ANXA4: variants seen among roughly 807,000 people sequenced by gnomAD.
The protein encoded by ANXA4 is annexin A4, also known as 35-beta calcimedin.
In ANXA4, 39 loss-of-function variants were observed where a neutral mutation model predicts 49.8. The ratio of observed to expected loss-of-function variants is 0.78; its 90% confidence interval spans 0.61 to 1.02. ANXA4 has a LOEUF of 1.02. ANXA4 is among the 50% of genes least tolerant of loss of function. The pLI is 0.00. For missense variants in ANXA4, 360 were observed against 410.1 expected, an observed-to-expected ratio of 0.88 and a Z score of 1.05; for synonymous variants, 134 against 152.5, an observed-to-expected ratio of 0.88 and a Z score of 0.89.
At chr2:69,803,135 A>G (rs1219936381) in intron 3 of ANXA4, among the ~76,000 whole-genome samples, 3 of 151,574 alleles carry the variant, frequency 2.0e-5, no homozygotes, top group African/African-American at 7.3e-5. Context: ...TGGGAGGGAG[A>G]GGGAGTGAGC....
chr2:69,819,603 T>C (rs1674145354), intron 11 of ANXA4, among the ~76,000 whole-genome samples: 1 of 152,118 alleles, frequency 6.6e-6, no homozygotes, highest in Non-Finnish European at 1.5e-5. Flanking sequence ...AATTTACAGA[T>C]GAGGAAACTG....
exon 2 of ANXA4, chr2:69,653,008 C>T (rs1323369606): frequency 6.6e-6 from 1 of 152,244 alleles, no homozygotes; most frequent in Non-Finnish European, 1.5e-5. Flanking sequence ...TTCACAGCCT[C>T]TTAGTTGGAT....
chr2:69,812,578 C>A, intron 7 of ANXA4, 75 bp from the exon 8 acceptor site: 1 of 1,295,178 alleles, frequency 7.7e-7, no homozygotes, highest in Non-Finnish European at 1.1e-6. Flanking sequence ...TACTCTAGAC[C>A]TGCTATCTTA....
chr2:69,668,369 T>C (rs896143887), intron 2 of ANXA4, among the ~76,000 whole-genome samples: 9 of 152,086 alleles, frequency 5.9e-5, no homozygotes, highest in Non-Finnish European at 1.2e-4. Flanking sequence ...CCCAGCACTT[T>C]AGGAGGCTGA....
At chr2:69,734,743 G>A (rs146710320) in intron 3 of ANXA4, among the ~76,000 whole-genome samples, 81 of 150,912 alleles carry the variant, frequency 5.4e-4, no homozygotes, top group African/African-American at 1.9e-3. Context: ...TCTTCCAGCC[G>A]GGTGCAGTGG....
chr2:69,741,658 G>C (rs893012122), upstream of ANXA4, among the ~76,000 whole-genome samples: 3 of 152,268 alleles, frequency 2.0e-5, no homozygotes, highest in African/African-American at 7.2e-5. Context: ...GGAGACGAAC[G>C]GTTTCCCGAG....
chr2:69,793,776 A>G (rs1672798994), intron 3 of ANXA4, among the ~76,000 whole-genome samples: 2 of 152,110 alleles, frequency 1.3e-5, no homozygotes, highest in Admixed American at 1.3e-4. Context: ...CTGTTTCCCC[A>G]AGGAGTCCCA....
At chr2:69,779,661 A>T (rs1672115717) in intron 1 of ANXA4, among the ~76,000 whole-genome samples, 2 of 152,134 alleles carry the variant, frequency 1.3e-5, no homozygotes, top group Admixed American at 6.5e-5. Context: ...TTATTATGGC[A>T]TTTGTCTGCA....
At chr2:69,794,463 A>G (rs1672831578) in intron 3 of ANXA4, among the ~76,000 whole-genome samples, 1 of 151,892 alleles carries the variant, frequency 6.6e-6, no homozygotes, top group Non-Finnish European at 1.5e-5. Context: ...TAGAGACTGA[A>G]TGCTTTCCCC....
chr2:69,742,849 G>A (rs1254828536), intron 1 of ANXA4, among the ~76,000 whole-genome samples: 1 of 152,134 alleles, frequency 6.6e-6, no homozygotes, highest in Non-Finnish European at 1.5e-5. Flanking sequence ...AGCAGAGTGG[G>A]TCCTGCATAA....
chr2:69,657,610 A>T (rs1676555321), intron 2 of ANXA4, among the ~76,000 whole-genome samples: 1 of 152,086 alleles, frequency 6.6e-6, no homozygotes, highest in Non-Finnish European at 1.5e-5. Context: ...TTATGCTGGG[A>T]ATTCATTTAT....
intron 2 of ANXA4, among the ~76,000 whole-genome samples, chr2:69,684,694 A>AG (rs1321456362): frequency 6.6e-6 from 1 of 151,758 alleles, no homozygotes; most frequent in Non-Finnish European, 1.5e-5. Context: ...TCAAAAAAAA[A>AG]AAAAAAAGAA....
intron 2 of ANXA4, among the ~76,000 whole-genome samples, chr2:69,692,813 A>G (rs1678019740): frequency 6.6e-6 from 1 of 152,238 alleles, no homozygotes; most frequent in Non-Finnish European, 1.5e-5. Flanking sequence ...CATTTGGAGT[A>G]TGCTTAATTT....
At chr2:69,810,883 G>A in intron 7 of ANXA4, 1 of 558,546 alleles carries the variant, frequency 1.8e-6, no homozygotes, top group Non-Finnish European at 3.2e-6. Context: ...ATATTTACAA[G>A]TACCTAACAC....
chr2:69,655,892 C>T (rs1297721646), intron 2 of ANXA4, among the ~76,000 whole-genome samples: 1 of 152,028 alleles, frequency 6.6e-6, no homozygotes, highest in African/African-American at 2.4e-5. Flanking sequence ...ATGGATGAAG[C>T]TGGAAACCAT....
In ANXA4 at chr2:69,685,809, G is replaced by A. The variant is rs180796533; in HGVS notation, n.766+32527G>A. The stretch of plus-strand genomic sequence containing the variant: ...ATTTTAGGCTGTATCCAGTGGTGTG[G>A]TAAATATTTAACAACTGGCCCTGGG... On this transcript the variant is annotated intron_variant and non_coding_transcript_variant, in intron 2 of 3. Coordinates refer to the ANXA4 transcript ENST00000418066. 1.7e-3 allele frequency among the ~76,000 whole-genome samples: 256 copies of A among 152,308 alleles called. 1 individual carries two copies. The highest frequency in any genetic ancestry group is 5.7e-3 in the African/African-American group (238 of 41,562).
intron 3 of ANXA4, among the ~76,000 whole-genome samples, chr2:69,789,735 G>A (rs905203030): frequency 4.6e-5 from 7 of 152,116 alleles, no homozygotes; most frequent in Non-Finnish European, 8.8e-5. Context: ...GACCAGGTGT[G>A]CCTTCTATAT....
chr2:69,809,565 C>T (rs1673603601), intron 6 of ANXA4: 1 of 152,198 alleles, frequency 6.6e-6, no homozygotes, highest in Non-Finnish European at 1.5e-5. Flanking sequence ...CAGCCTTGAC[C>T]TCCCCAGGCT....
intron 1 of ANXA4, among the ~76,000 whole-genome samples, chr2:69,749,659 T>C (rs1670756918): frequency 6.6e-6 from 1 of 151,994 alleles, no homozygotes; most frequent in African/African-American, 2.4e-5. Context: ...ATGGAGGCTC[T>C]CACACCTGTA....
Sources: gnomAD v4.1 joint callset for allele counts (sites outside exome capture counted in the v4.1 genomes callset) on GRCh38, gnomAD v4.1.1 for gene constraint, MANE v1.5 for transcripts, NCBI Gene and HGNC (gene_info 2026-07-23, HGNC 2026-07-21) for gene names.